FSCN1: variants seen among roughly 807,000 people sequenced by gnomAD.
The protein encoded by FSCN1 is fascin.
A neutral mutation model predicts 39.7 loss-of-function variants in FSCN1; 10 were observed. That is an observed-to-expected ratio of 0.25 (90% CI 0.16 to 0.43). FSCN1 has a LOEUF of 0.43. Ranked by LOEUF, FSCN1 falls within the 20% of genes least tolerant of loss-of-function variation. The pLI is 1.00. For synonymous variants in FSCN1, 322 were observed against 320.0 expected (o/e 1.01, Z -0.07); for missense variants, 525 against 723.8 (o/e 0.73, Z 3.15).
rs866534779 is a variant in FSCN1 at position 5,599,545 on chromosome 7, C to T, written c.833-3712C>T. On this transcript the variant is annotated intron_variant, in intron 1 of 4. Transcript: ENST00000382361. The surrounding 1 kb of genome is among the most constrained non-coding windows in gnomAD (Gnocchi z 5.6). ...AGGATGGGGAGGCCGGGCGTGGTGG[C>T]TTACCCCTGTAATCCCAGCACTTTG... Among the ~76,000 whole-genome samples, 2 of 152,168 alleles carry T rather than the reference C, an allele frequency of 1.3e-5. No individual in the cohort carries two copies. Among genetic ancestry groups the T allele is most frequent in the Non-Finnish European group, 2.9e-5 (2 of 68,026 alleles).
rs1785785745 is a variant in FSCN1 at position 5,599,270 on chromosome 7, G to C, written c.833-3987G>C. Among the ~76,000 whole-genome samples, 1 of 152,144 alleles carries C rather than the reference G, an allele frequency of 6.6e-6. No individual in the cohort carries two copies. Among genetic ancestry groups the C allele is most frequent in the East Asian group, 1.9e-4 (1 of 5,182 alleles). On this transcript the variant is annotated intron_variant, in intron 1 of 4. Transcript: ENST00000382361. This position sits in a 1 kb window ranked among gnomAD's most constrained non-coding sequence, Gnocchi z 5.6. ...GGGGCCCCAGGGAACCTGGGGGGTG[G>C]AGCCCAAGGGGTTCCAAGAAGGGGC... is the stretch of plus-strand genomic sequence containing the variant.
intron 1 of FSCN1, among the ~76,000 whole-genome samples, chr7:5,595,295 A>G (rs1350575768): frequency 1.3e-5 from 2 of 152,210 alleles, no homozygotes; most frequent in East Asian, 3.9e-4. Flanking sequence ...AGAGAGGTGA[A>G]GCTGCTTGTC....
At position 5,603,399 on chromosome 7, in the gene FSCN1, C is replaced by A; in HGVS notation, c.975C>A (p.Ser325=). 1.9e-6 allele frequency: 3 copies of A among 1,613,678 alleles called. No individual in the cohort carries two copies. Among genetic ancestry groups the A allele is most frequent in the Non-Finnish European group, 2.5e-6 (3 of 1,180,010 alleles). ...TGACGGCCACCGGGGGCGTGCAGTC[C>A]ACCGCCTCCAGCAAGTGAGTGCCTC... ...WTLTATGGVQ[S]TASSKNASCY... The change falls in exon 2 of 5, where the codon TCC becomes TCA. Residue 325 remains serine (S), a synonymous_variant. Transcript: ENST00000382361. The surrounding 1 kb of genome is among the most constrained non-coding windows in gnomAD (Gnocchi z 8.5).
rs1452480793 is a variant in FSCN1 at position 5,605,021 on chromosome 7, C to T, written c.1280-251C>T. On this transcript the variant is annotated intron_variant, in intron 4 of 4. Transcript: ENST00000382361. The surrounding 1 kb of genome is among the most constrained non-coding windows in gnomAD (Gnocchi z 6.9). ...CTCCTGACCTCAAGTGATCCGCCCA[C>T]CTCAGCCTCCCAAAGTGCTGGGATT... Among the ~76,000 whole-genome samples, 1 of 152,234 alleles carries T rather than the reference C, an allele frequency of 6.6e-6. No individual in the cohort carries two copies. Among genetic ancestry groups the T allele is most frequent in the African/African-American group, 2.4e-5 (1 of 41,454 alleles).
Position 5,603,922 on chromosome 7 carries a change from G to C in FSCN1, c.1171G>C (p.Glu391Gln). ...INRPIIVFRG[E>Q]HGFIGCRKVT... ...CCGCCCCATCATCGTGTTCCGCGGG[G>C]AGCATGGCTTCATCGGCTGCCGCAA... Residue 391 changes from glutamate (E) to glutamine (Q), a missense_variant, in exon 4 of 5, where the codon GAG becomes CAG. Transcript: ENST00000382361. The surrounding 1 kb of genome is among the most constrained non-coding windows in gnomAD (Gnocchi z 8.5). 6.2e-7 allele frequency: 1 copy of C among 1,614,042 alleles called. No individual in the cohort carries two copies. The highest frequency in any genetic ancestry group is 8.5e-7 in the Non-Finnish European group (1 of 1,180,010).
At chr7:5,604,085 G>C in intron 4 of FSCN1, 55 bp downstream of exon 4, 5 of 1,558,746 alleles carry the variant, frequency 3.2e-6, no homozygotes, top group Non-Finnish European at 4.4e-6. Flanking sequence ...CGGGGCTGGG[G>C]TCAGTGCTGC....
rs1785911715 is a variant in FSCN1, at chr7:5,605,170, G to A, written c.1280-102G>A. The A allele has an allele frequency of 3.7e-6, 3 of 812,954 alleles. No individual in the cohort carries two copies. Among genetic ancestry groups the A allele is most frequent in the Admixed American group, 2.1e-5 (1 of 47,794 alleles). 50.4% of individuals were successfully genotyped at this position (812,954 alleles called of 1,614,324 possible). ...CTCATTCCGGAGCCGGGACTGGAGG[G>A]TGGGGCGTCACCCTTGGGAACACCC... On this transcript the variant is annotated intron_variant, in intron 4 of 4. Transcript: ENST00000382361. This position sits in a 1 kb window ranked among gnomAD's most constrained non-coding sequence, Gnocchi z 6.9.
intron 1 of FSCN1, chr7:5,602,946 A>T: frequency 2.5e-6 from 1 of 393,660 alleles, no homozygotes; most frequent in East Asian, 5.3e-5. Context: ...CTAGACTCAA[A>T]CAATCCTCCT....
At chr7:5,593,879 G>A (rs1353672581) in intron 1 of FSCN1, 111 bp downstream of exon 1, 2 of 766,938 alleles carry the variant, frequency 2.6e-6, no homozygotes, top group Non-Finnish European at 4.0e-6. Context: ...GCGGTCCGGA[G>A]CACTGCCCAT....
At position 5,605,297 on chromosome 7, in the gene FSCN1, G is replaced by A; in HGVS notation, c.1305G>A (p.Val435=). 6.2e-7 allele frequency: 1 copy of A among 1,613,532 alleles called. No individual in the cohort carries two copies. The highest frequency in any genetic ancestry group is 8.5e-7 in the Non-Finnish European group (1 of 1,179,544). ...ACTCCACAGGCAAATACTGGACGGT[G>A]GGCAGTGACTCCGCGGTCACCAGCA... ...IKDSTGKYWT[V]GSDSAVTSSG... The change falls in exon 5 of 5, where the codon GTG becomes GTA. Residue 435 remains valine (V), a synonymous_variant. Coordinates refer to ENST00000382361, the MANE Select transcript of FSCN1 (RefSeq NM_003088.4). The surrounding 1 kb of genome is among the most constrained non-coding windows in gnomAD (Gnocchi z 6.9).
chr7:5,605,201 CA>C lies in FSCN1; in HGVS notation c.1280-70del, dbSNP rs1785912172. On this transcript the variant is annotated intron_variant, in intron 4 of 4. Coordinates refer to ENST00000382361, the MANE Select transcript of FSCN1 (RefSeq NM_003088.4). The surrounding 1 kb of genome is among the most constrained non-coding windows in gnomAD (Gnocchi z 6.9). ...CGTCACCCTTGGGAACACCCGTGCC[CA>C]CCCTCCGCTGCCCAGGGTAGGGGTG... is the stretch of plus-strand genomic sequence containing the variant. 17 of 1,214,632 alleles carry C rather than the reference CA, an allele frequency of 1.4e-5. No homozygotes were observed. In the South Asian group the frequency reaches 2.2e-4, roughly 16 times the overall value. 75.2% of individuals were successfully genotyped at this position (1,214,632 alleles called of 1,614,324 possible).
chr7:5,598,346 CCT>C (rs1295621710), intron 1 of FSCN1, among the ~76,000 whole-genome samples: 1 of 152,220 alleles, frequency 6.6e-6, no homozygotes, highest in Non-Finnish European at 1.5e-5. Flanking sequence ...GTTGTGTGGC[CCT>C]GGGCCCAGGA....
At position 5,593,191 on chromosome 7, in the gene FSCN1, C is replaced by T. The variant is rs532890412; in HGVS notation, c.255C>T (p.Pro85=). 3 of 1,602,488 alleles carry T rather than the reference C, an allele frequency of 1.9e-6. No individual in the cohort carries two copies. Among genetic ancestry groups the T allele is most frequent in the African/African-American group, 2.7e-5 (2 of 74,834 alleles). Residue 85 remains proline (P), a synonymous_variant, in exon 1 of 5, where the codon CCC becomes CCT. Transcript: ENST00000382361. ...DGNVTCEREV[P]GPDCRFLIVA... is the part of the protein sequence containing the mutation. ...ACGTGACCTGCGAGCGCGAGGTGCC[C>T]GGTCCCGACTGCCGTTTCCTCATCG... is the stretch of plus-strand genomic sequence containing the variant.
chr7:5,594,055 C>CA, intron 1 of FSCN1: 2 of 411,338 alleles, frequency 4.9e-6, no homozygotes, highest in Non-Finnish European at 8.7e-6. Context: ...ACCCCCCCCC[C>CA]CGCCCAATCT....
chr7:5,592,896 A>G lies in FSCN1; in HGVS notation c.-41A>G. 1 of 1,307,776 alleles carries G rather than the reference A, an allele frequency of 7.6e-7. No individual in the cohort carries two copies. Among genetic ancestry groups the G allele is most frequent in the Non-Finnish European group, 1.0e-6 (1 of 973,234 alleles). The allele number at this position is 1,307,776 out of a possible 1,614,324, so 81.0% of individuals were successfully genotyped here. On this transcript the variant is annotated 5_prime_UTR_variant, in exon 1 of 5. Transcript: ENST00000382361. The surrounding 1 kb of genome is among the most constrained non-coding windows in gnomAD (Gnocchi z 5.3). ...GCGCCGCCGCAGGGACCCGCCACCC[A>G]CCTCCCGGGGCCGCGCAGCGGCCTC...
Position 5,599,322 on chromosome 7 carries a change from GT to G in FSCN1, c.833-3934del, listed in dbSNP as rs1332380664. ...GGGCCAGGAACCCATAGACAAGAGG[GT>G]GGGGCAGGGAAAGGGCGTGGCAAGA... On this transcript the variant is annotated intron_variant, in intron 1 of 4. Transcript: ENST00000382361. The surrounding 1 kb of genome is among the most constrained non-coding windows in gnomAD (Gnocchi z 5.6). 1.3e-5 allele frequency among the ~76,000 whole-genome samples: 2 copies of G among 152,184 alleles called. No homozygotes were observed. Among genetic ancestry groups the G allele is most frequent in the Non-Finnish European group, 2.9e-5 (2 of 68,014 alleles).
intron 1 of FSCN1, among the ~76,000 whole-genome samples, chr7:5,597,054 T>G (rs1394881018): frequency 6.6e-6 from 1 of 152,086 alleles, no homozygotes. Context: ...ACAGACAGAA[T>G]GGTTCAGAAG....
chr7:5,598,000 G>A (rs989543167), intron 1 of FSCN1, among the ~76,000 whole-genome samples: 1 of 152,188 alleles, frequency 6.6e-6, no homozygotes, highest in Non-Finnish European at 1.5e-5. Context: ...TCTAATTAGA[G>A]ACTCCAAGGC....
rs1051516973 is a variant in FSCN1 at position 5,605,006 on chromosome 7, C to T, written c.1280-266C>T. Among the ~76,000 whole-genome samples, 1 of 152,160 alleles carries T rather than the reference C, an allele frequency of 6.6e-6. No homozygotes were observed. Among genetic ancestry groups the T allele is most frequent in the Non-Finnish European group, 1.5e-5 (1 of 68,024 alleles). ...CAAGGCTGGCTCGAACTCCTGACCT[C>T]AAGTGATCCGCCCACCTCAGCCTCC... On this transcript the variant is annotated intron_variant, in intron 4 of 4. Transcript: ENST00000382361. This position sits in a 1 kb window ranked among gnomAD's most constrained non-coding sequence, Gnocchi z 6.9.
Sources: gnomAD v4.1 joint callset for allele counts (sites outside exome capture counted in the v4.1 genomes callset) on GRCh38, gnomAD v4.1.1 for gene constraint, Gnocchi (gnomAD v3.1) non-coding constraint, MANE v1.5 for transcripts, NCBI Gene and HGNC (gene_info 2026-07-23, HGNC 2026-07-21) for gene names.